Variants in WDPCP observed in about 807,000 individuals in gnomAD.
WDPCP encodes the protein WD repeat-containing and planar cell polarity effector protein fritz homolog.
A neutral mutation model predicts 93.1 loss-of-function variants in WDPCP; 71 were observed. That is an observed-to-expected ratio of 0.76 (90% CI 0.63 to 0.93). WDPCP has a LOEUF of 0.93. Among genes scored for constraint, WDPCP ranks in the 40% least tolerant of loss-of-function variants. WDPCP has a pLI of 0.00. For synonymous variants in WDPCP, 315 were observed against 315.0 expected, an observed-to-expected ratio of 1.00 and a Z score of 0.00; for missense variants, 844 against 887.4, an observed-to-expected ratio of 0.95 and a Z score of 0.62.
At chr2:63,353,432 G>A (rs1356224975) in intron 12 of WDPCP, among the ~76,000 whole-genome samples, 1 of 152,134 alleles carries the variant, frequency 6.6e-6, no homozygotes, top group Non-Finnish European at 1.5e-5. Context: ...CACTGGCTTG[G>A]AATTCCAGCC....
chr2:63,121,775 T>C lies in WDPCP; in HGVS notation c.*231A>G, dbSNP rs1669562282. 2 of 1,121,432 alleles carry C rather than the reference T, an allele frequency of 1.8e-6. No individual in the cohort carries two copies. The highest frequency in any genetic ancestry group is 4.7e-5 in the South Asian group (2 of 42,452). 69.5% of individuals were successfully genotyped at this position (1,121,432 alleles called of 1,614,324 possible). A position where few individuals can be genotyped will look rare whatever the true frequency, so the allele number is the denominator to read the frequency against. ...AAGACACTTTCAAAATTTTACATTATTGAAAATAAGTAGGTTGAAGACTTT... is the reference window on the plus strand; with the variant it reads ...AAGACACTTTCAAAATTTTACATTACTGAAAATAAGTAGGTTGAAGACTTT... On this transcript the variant is annotated 3_prime_UTR_variant, in exon 18 of 18. Transcript: ENST00000272321.
chr2:63,688,103 CAT>C (rs1408129156), intron 2 of WDPCP, among the ~76,000 whole-genome samples: 1 of 152,186 alleles, frequency 6.6e-6, no homozygotes, highest in Non-Finnish European at 1.5e-5. Flanking sequence ...ACAAACATCA[CAT>C]GTTCTTATTT....
chr2:63,324,950 T>G (rs1687418306), intron 12 of WDPCP, among the ~76,000 whole-genome samples: 1 of 152,188 alleles, frequency 6.6e-6, no homozygotes. Flanking sequence ...GAAAATATAC[T>G]CCCATCACCT....
intron 14 of WDPCP, among the ~76,000 whole-genome samples, chr2:63,223,337 A>G (rs1677998940): frequency 6.6e-6 from 1 of 152,178 alleles, no homozygotes. Flanking sequence ...TGATATTATC[A>G]GAGAACGTTT....
At chr2:63,551,250 TA>T (rs1705616352) in intron 1 of WDPCP, among the ~76,000 whole-genome samples, 4 of 151,924 alleles carry the variant, frequency 2.6e-5, no homozygotes, top group Non-Finnish European at 4.4e-5. Context: ...AATCCACTAG[TA>T]AAAAATATGA....
rs150400333 is a variant in WDPCP, at chr2:63,351,647, A to G, written c.1748+26739T>C. On this transcript the variant is annotated intron_variant, in intron 12 of 17. Coordinates refer to ENST00000272321, the MANE Select transcript of WDPCP (RefSeq NM_015910.7). ...TAGTATTCCATGGTATACAGGTACCACATTTTCTTTATCAAATTCACCATT... is the reference window on the plus strand; with the variant it reads ...TAGTATTCCATGGTATACAGGTACCGCATTTTCTTTATCAAATTCACCATT... Among the ~76,000 whole-genome samples the G allele has an allele frequency of 5.2e-3, 788 of 152,292 alleles. 8 individuals are homozygous for G. Among genetic ancestry groups the G allele is most frequent in the African/African-American group, 0.019 (770 of 41,574 alleles).
At chr2:63,503,618 A>C (rs1701692125) in intron 1 of WDPCP, among the ~76,000 whole-genome samples, 1 of 152,144 alleles carries the variant, frequency 6.6e-6, no homozygotes, top group Non-Finnish European at 1.5e-5. Flanking sequence ...ACAACAATAA[A>C]AGGACAAGGA....
At chr2:63,604,778 A>T (rs1198797005) in intron 3 of WDPCP, 1 of 1,614,052 alleles carries the variant, frequency 6.2e-7, no homozygotes, top group Non-Finnish European at 8.5e-7. Flanking sequence ...CAGTATCCAG[A>T]TGTCAACCAT....
upstream of WDPCP, chr2:63,589,437 C>T (rs1403649442): frequency 1.3e-6 from 2 of 1,508,898 alleles, no homozygotes; most frequent in African/African-American, 1.4e-5. Context: ...TCCTCATTTG[C>T]CCACAGTGTT....
intron 2 of WDPCP, among the ~76,000 whole-genome samples, chr2:63,490,579 T>C (rs182930867): frequency 5.9e-5 from 9 of 152,286 alleles, no homozygotes; most frequent in Admixed American, 4.6e-4. Flanking sequence ...AAAGGTTAAA[T>C]AGAAGAATGT....
chr2:63,454,065 C>G (rs1272740815), intron 6 of WDPCP, among the ~76,000 whole-genome samples: 1 of 151,268 alleles, frequency 6.6e-6, no homozygotes, highest in Non-Finnish European at 1.5e-5. Flanking sequence ...TGTAACAAAC[C>G]TGCACGTTGT....
At chr2:63,703,738 C>A (rs1283546191) in intron 2 of WDPCP, among the ~76,000 whole-genome samples, 1 of 152,136 alleles carries the variant, frequency 6.6e-6, no homozygotes, top group African/African-American at 2.4e-5. Context: ...TAGCATGATG[C>A]CTCCAGCTTT....
At chr2:63,237,875 CTA>C (rs1679533318) in intron 14 of WDPCP, among the ~76,000 whole-genome samples, 1 of 151,962 alleles carries the variant, frequency 6.6e-6, no homozygotes, top group Admixed American at 6.6e-5. Context: ...TTGTTAGGTA[CTA>C]TATTCACTCT....
intron 2 of WDPCP, chr2:63,684,186 T>C (rs183463929): frequency 1.2e-5 from 4 of 326,688 alleles, no homozygotes; most frequent in Admixed American, 4.3e-5. Flanking sequence ...CTCCCCAGCA[T>C]GTGGATCATT....
At chr2:63,269,324 C>T (rs1375649370) in intron 13 of WDPCP, among the ~76,000 whole-genome samples, 1 of 152,090 alleles carries the variant, frequency 6.6e-6, no homozygotes, top group African/African-American at 2.4e-5. Context: ...CTTATATTAG[C>T]ATCATCATTT....
chr2:63,254,162 T>C (rs569226898), intron 14 of WDPCP, among the ~76,000 whole-genome samples: 3 of 152,200 alleles, frequency 2.0e-5, no homozygotes, highest in African/African-American at 7.2e-5. Flanking sequence ...TTCTCATATG[T>C]AAGTGGGAGT....
intron 1 of WDPCP, among the ~76,000 whole-genome samples, chr2:63,503,112 C>T (rs753436783): frequency 2.0e-5 from 3 of 152,136 alleles, no homozygotes; most frequent in Admixed American, 6.5e-5. Flanking sequence ...TTCTCTAGGG[C>T]ATTGTTCAAA....
chr2:63,487,537 C>T (rs774824854), intron 2 of WDPCP, 43 bp from the exon 3 acceptor site: 7 of 1,460,514 alleles, frequency 4.8e-6, no homozygotes, highest in Non-Finnish European at 6.7e-6. Context: ...ATTTAAAAGT[C>T]CCAGAGAATA....
At chr2:63,583,586 C>A (rs1558844661) in intron 1 of WDPCP, among the ~76,000 whole-genome samples, 1 of 150,998 alleles carries the variant, frequency 6.6e-6, no homozygotes, top group Non-Finnish European at 1.5e-5. Context: ...GAGGCTGAGG[C>A]AGAAGAATTG....
Sources: allele counts gnomAD v4.1 joint callset (sites outside exome capture counted in the v4.1 genomes callset), GRCh38; gene constraint gnomAD v4.1.1; transcripts MANE v1.5; gene names NCBI Gene and HGNC (gene_info 2026-07-23, HGNC 2026-07-21).